Variants in CAMK1D observed in about 807,000 individuals in gnomAD.
The protein encoded by CAMK1D is calcium/calmodulin-dependent protein kinase type 1D.
A neutral mutation model predicts 47.7 loss-of-function variants in CAMK1D; 9 were observed. The observed-to-expected ratio is 0.19, with a 90% CI of 0.11 to 0.33. The LOEUF (loss-of-function observed/expected upper bound fraction) is 0.33, where lower values mean the gene tolerates loss of function less well. Among genes scored for constraint, CAMK1D ranks in the 10% least tolerant of loss-of-function variants. The pLI is 1.00. For missense variants in CAMK1D, 291 were observed against 488.7 expected (o/e 0.60, Z 3.81); for synonymous variants, 184 against 184.9 (o/e 0.99, Z 0.04).
intron 8 of CAMK1D, among the ~76,000 whole-genome samples, chr10:12,817,088 G>A (rs1832830091): frequency 6.6e-6 from 1 of 152,138 alleles, no homozygotes; most frequent in South Asian, 2.1e-4. Flanking sequence ...CAGATCTCAT[G>A]AGAGACTTAT....
chr10:12,782,656 T>C (rs981753373), intron 5 of CAMK1D, among the ~76,000 whole-genome samples: 5 of 152,200 alleles, frequency 3.3e-5, no homozygotes, highest in Non-Finnish European at 7.3e-5. Flanking sequence ...CATCGCTTCG[T>C]CCCACTTCCT....
rs148445142 is a variant in CAMK1D at position 12,585,973 on chromosome 10, A to C, written c.224+32617A>C. Among the ~76,000 whole-genome samples the C allele has an allele frequency of 6.1e-3, 936 of 152,290 alleles. 19 individuals are homozygous for C. Among genetic ancestry groups the C allele is most frequent in the African/African-American group, 0.021 (857 of 41,558 alleles). On this transcript the variant is annotated intron_variant, in intron 2 of 10. Coordinates refer to ENST00000619168, the MANE Select transcript of CAMK1D (RefSeq NM_153498.4). ...GTTTTAATTGAAGGTCAGCAGTGGC[A>C]GGTAAGCCACCAGCATCATCAGCTT...
intron 1 of CAMK1D, among the ~76,000 whole-genome samples, chr10:12,360,389 T>A (rs761309046): frequency 1.2e-4 from 19 of 152,070 alleles, no homozygotes; most frequent in Non-Finnish European, 2.4e-4. Flanking sequence ...TTTGAAAAAT[T>A]TGTGGATGGA....
intron 2 of CAMK1D, among the ~76,000 whole-genome samples, chr10:12,644,844 G>A (rs1839770485): frequency 6.6e-6 from 1 of 152,086 alleles, no homozygotes; most frequent in Non-Finnish European, 1.5e-5. Flanking sequence ...ATAAAGCTAT[G>A]TTAAAAGGAT....
At chr10:12,517,618 G>A (rs1490563554) in intron 1 of CAMK1D, among the ~76,000 whole-genome samples, 2 of 152,172 alleles carry the variant, frequency 1.3e-5, no homozygotes, top group Admixed American at 6.5e-5. Context: ...CTTTTTATGT[G>A]TCTGTTGAGA....
chr10:12,656,717 C>A (rs1840126319), intron 2 of CAMK1D, among the ~76,000 whole-genome samples: 1 of 152,170 alleles, frequency 6.6e-6, no homozygotes, highest in South Asian at 2.1e-4. Flanking sequence ...GAGTATAGCT[C>A]CATCTTCTGG....
intron 3 of CAMK1D, among the ~76,000 whole-genome samples, chr10:12,687,527 G>T (rs1393217114): frequency 1.3e-5 from 2 of 152,154 alleles, no homozygotes; most frequent in Non-Finnish European, 2.9e-5. Flanking sequence ...GTGGTGATTG[G>T]CGTCTAAATT....
At chr10:12,549,713 C>T (rs7897059) in intron 1 of CAMK1D, among the ~76,000 whole-genome samples, 86,870 of 152,016 alleles carry the variant, frequency 0.57, 25,100 homozygotes, top group Non-Finnish European at 0.61. Context: ...GACATAACTC[C>T]GTGCCGTTGT....
chr10:12,766,385 C>T (rs2482053), intron 4 of CAMK1D, among the ~76,000 whole-genome samples: 134 of 113,158 alleles, frequency 1.2e-3, no homozygotes, highest in African/African-American at 4.6e-3. Flanking sequence ...TTTTTTGAGA[C>T]GGAGTGTTGC....
In CAMK1D at chr10:12,734,533, CACACATATGTATATATGTATATATAT is replaced by C. The variant is rs1344135495; in HGVS notation, c.300-26404_300-26379del. Among the ~76,000 whole-genome samples, 9 of 145,376 alleles carry C rather than the reference CACACATATGTATATATGTATATATAT, an allele frequency of 6.2e-5. No homozygotes were observed. The East Asian group carries it at 1.8e-3, about 29-fold the overall frequency. ...ACATATATATACACGTATATATATA[CACACATATGTATATATGTATATATAT>C]ACACATATGTGTATATATATATATA... On this transcript the variant is annotated intron_variant, in intron 3 of 10. Coordinates refer to ENST00000619168, the MANE Select transcript of CAMK1D (RefSeq NM_153498.4).
chr10:12,597,103 C>A (rs1316202853), intron 2 of CAMK1D, among the ~76,000 whole-genome samples: 1 of 152,146 alleles, frequency 6.6e-6, no homozygotes, highest in Non-Finnish European at 1.5e-5. Flanking sequence ...TCCTGCCGTG[C>A]AGGAGCTTGT....
chr10:12,778,094 A>G (rs1449639051), intron 5 of CAMK1D, among the ~76,000 whole-genome samples: 2 of 152,252 alleles, frequency 1.3e-5, no homozygotes, highest in African/African-American at 4.8e-5. Context: ...CCTCAGGGCA[A>G]TCTATAGGTT....
At chr10:12,384,146 T>C (rs570706184) in intron 1 of CAMK1D, among the ~76,000 whole-genome samples, 1 of 152,336 alleles carries the variant, frequency 6.6e-6, no homozygotes, top group Non-Finnish European at 1.5e-5. Context: ...TAAATTTGAC[T>C]GAAGAAGTTC....
chr10:12,427,700 G>GGTTTTTTTTTTTT (rs1840283456), intron 1 of CAMK1D, among the ~76,000 whole-genome samples: 1 of 31,030 alleles, frequency 3.2e-5, no homozygotes, highest in Non-Finnish European at 6.2e-5. Flanking sequence ...TGAACTTACT[G>GGTTTTTTTTTTTT]TTTTTTTTTT....
At chr10:12,567,319 C>G (rs1837155725) in intron 2 of CAMK1D, among the ~76,000 whole-genome samples, 1 of 152,148 alleles carries the variant, frequency 6.6e-6, no homozygotes, top group Non-Finnish European at 1.5e-5. Flanking sequence ...CCAAGATGTT[C>G]TAGAAACAAA....
intron 6 of CAMK1D, among the ~76,000 whole-genome samples, chr10:12,792,747 A>G (rs752680962): frequency 2.6e-5 from 4 of 152,220 alleles, no homozygotes; most frequent in African/African-American, 4.8e-5. Context: ...ATTGCCATAT[A>G]CTTGGCCTAA....
chr10:12,615,502 GTA>G (rs1337620485), intron 2 of CAMK1D, among the ~76,000 whole-genome samples: 3 of 150,832 alleles, frequency 2.0e-5, no homozygotes, highest in Admixed American at 6.6e-5. Flanking sequence ...ATGTGTACAT[GTA>G]TAGTTATGTG....
intron 1 of CAMK1D, among the ~76,000 whole-genome samples, chr10:12,515,046 A>G (rs1835151392): frequency 1.3e-5 from 2 of 150,922 alleles, no homozygotes; most frequent in Admixed American, 6.6e-5. Flanking sequence ...TATTTTTAGT[A>G]GAGACGGGGT....
intron 1 of CAMK1D, among the ~76,000 whole-genome samples, chr10:12,404,501 A>G (rs1839341715): frequency 6.6e-6 from 1 of 152,190 alleles, no homozygotes; most frequent in Non-Finnish European, 1.5e-5. Context: ...AATTAGTTGC[A>G]AAGATTTAAA....
Sources: gnomAD v4.1 joint callset for allele counts (sites outside exome capture counted in the v4.1 genomes callset) on GRCh38, gnomAD v4.1.1 for gene constraint, MANE v1.5 for transcripts, NCBI Gene and HGNC (gene_info 2026-07-23, HGNC 2026-07-21) for gene names.